SFSWAP: variants seen among roughly 807,000 people sequenced by gnomAD.
SFSWAP encodes splicing factor, suppressor of white-apricot homolog.
In SFSWAP, 17 loss-of-function variants were observed where a neutral mutation model predicts 100.7. The ratio of observed to expected loss-of-function variants is 0.17; its 90% CI spans 0.12 to 0.25. SFSWAP has a LOEUF of 0.25. SFSWAP is among the 10% of genes least tolerant of loss of function. The probability of loss-of-function intolerance (pLI) is 1.00; values close to 1 mark genes in which losing one functional copy is unlikely to be tolerated. For synonymous variants in SFSWAP, 504 were observed against 510.1 expected (o/e 0.99, Z 0.16); for missense variants, 1,005 against 1,262.6 (o/e 0.80, Z 3.09).
At chr12:131,754,327 G>GC in intron 8 of SFSWAP, 41 bp from the exon 9 acceptor site, 1 of 1,458,998 alleles carries the variant, frequency 6.9e-7, no homozygotes, top group Non-Finnish European at 9.1e-7. Flanking sequence ...AGCTTGGCGA[G>GC]CCCCTGAAGC....
Position 131,738,585 on chromosome 12 carries a change from A to G in SFSWAP, c.1081+10157A>G, listed in dbSNP as rs1288902637. ...TCGGATGAAAGTTTCTTTTATGCCT[A>G]AAGAATTCAGTTCTGAAAAAAGGTT... On this transcript the variant is annotated intron_variant, in intron 7 of 17. Transcript: ENST00000261674. Among the ~76,000 whole-genome samples, 3 of 152,364 alleles carry G rather than the reference A, an allele frequency of 2.0e-5. No homozygotes were observed. In the East Asian group the frequency reaches 5.8e-4, roughly 29 times the overall value.
At position 131,715,298 on chromosome 12, in the gene SFSWAP, A is replaced by G. The variant is rs550758451; in HGVS notation, c.520+345A>G. 2.3e-4 allele frequency among the ~76,000 whole-genome samples: 35 copies of G among 152,246 alleles called. 1 individual carries two copies. The East Asian group carries it at 6.6e-3, about 29-fold the overall frequency. On this transcript the variant is annotated intron_variant, in intron 3 of 17. Coordinates refer to ENST00000261674, the MANE Select transcript of SFSWAP (RefSeq NM_004592.4). ...GAAAGAATAGGTGTTAACTGGGATAAGTTAACATCACCGCCCTCTCACTGA... is the reference window on the plus strand; with the variant it reads ...GAAAGAATAGGTGTTAACTGGGATAGGTTAACATCACCGCCCTCTCACTGA...
intron 14 of SFSWAP, chr12:131,785,298 C>A: frequency 7.1e-7 from 1 of 1,407,758 alleles, no homozygotes; most frequent in Non-Finnish European, 9.6e-7. Flanking sequence ...AAAATCAAAA[C>A]GATTCTGTCC....
intron 14 of SFSWAP, among the ~76,000 whole-genome samples, chr12:131,782,207 C>G (rs1276215795): frequency 6.6e-6 from 1 of 152,194 alleles, no homozygotes; most frequent in African/African-American, 2.4e-5. Context: ...GGAATTCTGC[C>G]TCAGCTCTTC....
chr12:131,730,481 A>G lies in SFSWAP; in HGVS notation c.1081+2053A>G, dbSNP rs1471615241. ...ATGTGCAGACCCCGCAGGACCAGGC[A>G]GGATGGTGGAGCCGGCTGGTAGTGG... On this transcript the variant is annotated intron_variant, in intron 7 of 17. Transcript: ENST00000261674. The surrounding 1 kb of genome is among the most constrained non-coding windows in gnomAD (Gnocchi z 4.0). Among the ~76,000 whole-genome samples, 3 of 152,238 alleles carry G rather than the reference A, an allele frequency of 2.0e-5. No homozygotes were observed. Among genetic ancestry groups the G allele is most frequent in the African/African-American group, 7.2e-5 (3 of 41,464 alleles).
At chr12:131,767,434 A>G (rs964706472) in intron 13 of SFSWAP, among the ~76,000 whole-genome samples, 1 of 152,268 alleles carries the variant, frequency 6.6e-6, no homozygotes, top group South Asian at 2.1e-4. Context: ...TTTTGGAGAC[A>G]TAACTCTTAA....
intron 7 of SFSWAP, among the ~76,000 whole-genome samples, chr12:131,739,706 C>G (rs909576382): frequency 6.6e-6 from 1 of 151,670 alleles, no homozygotes; most frequent in Non-Finnish European, 1.5e-5. Flanking sequence ...CCACCATGCC[C>G]GATTAATTTT....
At chr12:131,749,535 T>C (rs531256516) in intron 7 of SFSWAP, among the ~76,000 whole-genome samples, 1 of 152,334 alleles carries the variant, frequency 6.6e-6, no homozygotes, top group South Asian at 2.1e-4. Flanking sequence ...GTATACAAAA[T>C]CCCTGTGTCC....
chr12:131,773,651 G>C (rs1200994402), intron 13 of SFSWAP, among the ~76,000 whole-genome samples: 2 of 152,158 alleles, frequency 1.3e-5, no homozygotes, highest in Non-Finnish European at 2.9e-5. Flanking sequence ...GCCCACAAAT[G>C]TTTTCAAGTT....
At chr12:131,755,560 T>A (rs1882079229) in intron 10 of SFSWAP, 81 bp downstream of exon 10, 1 of 959,626 alleles carries the variant, frequency 1.0e-6, no homozygotes, top group Non-Finnish European at 1.7e-6. Flanking sequence ...TTCTGTTTCT[T>A]CTCCTACAGG....
intron 15 of SFSWAP, among the ~76,000 whole-genome samples, chr12:131,790,796 G>T (rs1052166773): frequency 3.3e-5 from 5 of 152,224 alleles, no homozygotes; most frequent in Non-Finnish European, 5.9e-5. Context: ...CTGCAGTAAA[G>T]ATCTGCCTTT....
chr12:131,725,965 T>C lies in SFSWAP; in HGVS notation c.832+335T>C, dbSNP rs200735375. ...ATAGAGAAAACAGTTATATATCCTC[T>C]CTTGGATTATTCAAGTACCACAGTG... On this transcript the variant is annotated intron_variant, in intron 5 of 17. Coordinates refer to ENST00000261674, the MANE Select transcript of SFSWAP (RefSeq NM_004592.4). The surrounding 1 kb of genome is among the most constrained non-coding windows in gnomAD (Gnocchi z 4.3). Among the ~76,000 whole-genome samples the C allele has an allele frequency of 9.2e-5, 14 of 152,308 alleles. No individual in the cohort carries two copies. The East Asian group carries it at 9.6e-4, about 10-fold the overall frequency.
chr12:131,788,546 G>A (rs1441707509), intron 15 of SFSWAP, among the ~76,000 whole-genome samples: 1 of 146,226 alleles, frequency 6.8e-6, no homozygotes, highest in Non-Finnish European at 1.5e-5. Context: ...TTTTTTTTGA[G>A]ACAGGGTCTC....
chr12:131,712,083 TG>T (rs1399521498), intron 1 of SFSWAP: 3 of 152,516 alleles, frequency 2.0e-5, no homozygotes, highest in African/African-American at 7.2e-5. Context: ...GCCCGTCAGT[TG>T]GTGGCCACTT....
At chr12:131,731,377 CT>C (rs1879496213) in intron 7 of SFSWAP, among the ~76,000 whole-genome samples, 1 of 152,212 alleles carries the variant, frequency 6.6e-6, no homozygotes, top group African/African-American at 2.4e-5. Context: ...CTGCCTCATG[CT>C]TCTGTGTGCT....
chr12:131,784,138 CAA>C (rs1566055731), intron 14 of SFSWAP: 1 of 152,118 alleles, frequency 6.6e-6, no homozygotes, highest in Non-Finnish European at 1.5e-5. Flanking sequence ...CAAAGTGAAT[CAA>C]AGTGAATTGT....
chr12:131,797,425 T>C, intron 16 of SFSWAP, 65 bp downstream of exon 16: 4 of 1,411,506 alleles, frequency 2.8e-6, no homozygotes, highest in Admixed American at 2.2e-5. Flanking sequence ...GGACTCTCCC[T>C]CCTCCCTGAG....
At chr12:131,776,328 C>T (rs1225751233) in intron 13 of SFSWAP, among the ~76,000 whole-genome samples, 1 of 152,104 alleles carries the variant, frequency 6.6e-6, no homozygotes, top group Non-Finnish European at 1.5e-5. Flanking sequence ...TTGCCCGCCG[C>T]ACACCCACAA....
chr12:131,749,291 TGTC>T (rs1881410241), intron 7 of SFSWAP, among the ~76,000 whole-genome samples: 1 of 152,182 alleles, frequency 6.6e-6, no homozygotes, highest in Admixed American at 6.5e-5. Flanking sequence ...AATCCCGGCA[TGTC>T]GTGGCAGCCT....
Sources: allele counts gnomAD v4.1 joint callset (sites outside exome capture counted in the v4.1 genomes callset), GRCh38; gene constraint gnomAD v4.1.1; non-coding constraint Gnocchi (gnomAD v3.1); transcripts MANE v1.5; gene names NCBI Gene and HGNC (gene_info 2026-07-23, HGNC 2026-07-21).